Variants in STRA6 observed in about 807,000 individuals in gnomAD.
STRA6 encodes receptor for retinol uptake STRA6.
In STRA6, 48 loss-of-function variants were observed where a neutral mutation model predicts 83.6. The observed-to-expected ratio is 0.57, with a 90% confidence interval of 0.46 to 0.73. The LOEUF (loss-of-function observed/expected upper bound fraction) is 0.73. Among genes scored for constraint, STRA6 ranks in the 30% least tolerant of loss-of-function variants. STRA6 has a pLI of 0.00. For missense variants in STRA6, 760 were observed against 838.8 expected (o/e 0.91, Z 1.16); for synonymous variants, 353 against 362.3 (o/e 0.97, Z 0.29).
At chr15:74,209,122 G>A, upstream of STRA6, 1 of 1,322,726 alleles carries the variant, frequency 7.6e-7, no homozygotes, top group Non-Finnish European at 9.7e-7. Context: ...TCCGGGATCA[G>A]AGGAACCCAC....
upstream of STRA6, among the ~76,000 whole-genome samples, chr15:74,210,096 C>T (rs1406671620): frequency 6.6e-6 from 1 of 152,158 alleles, no homozygotes; most frequent in African/African-American, 2.4e-5. Context: ...AGCAGCCAGC[C>T]AGCTTGGATC....
At chr15:74,186,833 G>A (rs542899765) in intron 12 of STRA6, among the ~76,000 whole-genome samples, 1 of 152,312 alleles carries the variant, frequency 6.6e-6, no homozygotes, top group Admixed American at 6.5e-5. Context: ...CACTCTGAGA[G>A]TTTCTGATTC....
In STRA6 at chr15:74,193,806, G is replaced by A; in HGVS notation, c.714C>T (p.Gly238=). ...VRSFSRRTGA[G]SKGLQSSYSE... is the part of the protein sequence containing the mutation. ...CCCAGGCCTGCCCCTTTACCTTGGA[G>A]CCTGCTCCTGTCCTACGGCTGAAGC... The change falls in exon 8 of 19, where the codon GGC becomes GGT. Residue 238 remains glycine, a synonymous_variant. Coordinates refer to ENST00000395105, the MANE Select transcript of STRA6 (RefSeq NM_022369.4). 2 of 1,613,772 alleles carry A rather than the reference G, an allele frequency of 1.2e-6. No individual in the cohort carries two copies. The highest frequency in any genetic ancestry group is 1.7e-6 in the Non-Finnish European group (2 of 1,179,740).
At chr15:74,180,401 T>G (rs1224643726) in intron 18 of STRA6, among the ~76,000 whole-genome samples, 158 bp from the exon 19 acceptor site, 1 of 151,720 alleles carries the variant, frequency 6.6e-6, no homozygotes, top group East Asian at 1.9e-4. Context: ...GGGGGTGAGG[T>G]CTGTGGATGG....
chr15:74,195,630 T>A, intron 6 of STRA6, 22 bp downstream of exon 6: 1 of 1,542,972 alleles, frequency 6.5e-7, no homozygotes, highest in Non-Finnish European at 8.8e-7. Flanking sequence ...TAGTCTCAAC[T>A]CTGTGATCTT....
intron 12 of STRA6, among the ~76,000 whole-genome samples, chr15:74,185,697 G>A (rs1218502897): frequency 6.6e-6 from 1 of 152,222 alleles, no homozygotes; most frequent in African/African-American, 2.4e-5. Context: ...AGGGGTGCAG[G>A]CTGCAACTCT....
chr15:74,185,139 C>G (rs2073180490), intron 12 of STRA6, 84 bp from the exon 13 acceptor site: 1 of 1,391,886 alleles, frequency 7.2e-7, no homozygotes, highest in South Asian at 1.2e-5. Context: ...AGGGTGGTGC[C>G]TTGTGGGGAG....
intron 17 of STRA6, 140 bp downstream of exon 17, chr15:74,181,155 C>G: frequency 7.2e-7 from 1 of 1,397,584 alleles, no homozygotes; most frequent in Non-Finnish European, 9.8e-7. Flanking sequence ...GGAGGCACAG[C>G]GCAGGGGCAC....
chr15:74,202,974 C>A (rs569883835), upstream of STRA6: 7 of 986,552 alleles, frequency 7.1e-6, no homozygotes, highest in Non-Finnish European at 8.4e-6. Context: ...GAGCCACCCC[C>A]ACCCCCGCAC....
intron 9 of STRA6, 32 bp downstream of exon 9, chr15:74,191,392 T>C (rs773718429): frequency 1.9e-6 from 3 of 1,612,574 alleles, no homozygotes; most frequent in African/African-American, 1.3e-5. Context: ...GCCCAATCCA[T>C]TGGCCCACAA....
intron 1 of STRA6, among the ~76,000 whole-genome samples, chr15:74,208,275 C>T (rs2074308204): frequency 6.6e-6 from 1 of 152,156 alleles, no homozygotes; most frequent in African/African-American, 2.4e-5. Context: ...CTGTTAACAT[C>T]AAGATGCAAC....
intron 14 of STRA6, chr15:74,183,404 C>A: frequency 4.9e-6 from 3 of 606,818 alleles, no homozygotes; most frequent in Non-Finnish European, 6.6e-6. Context: ...CACCACCATA[C>A]CCGGCTAATT....
At chr15:74,194,523 T>C (rs933697155) in intron 7 of STRA6, 2 of 429,520 alleles carry the variant, frequency 4.7e-6, no homozygotes, top group Non-Finnish European at 6.9e-6. Flanking sequence ...TGTTATCAGC[T>C]CCATGGACGG....
chr15:74,208,470 T>A (rs1257033417), intron 1 of STRA6, among the ~76,000 whole-genome samples: 1 of 152,180 alleles, frequency 6.6e-6, no homozygotes, highest in Non-Finnish European at 1.5e-5. Context: ...GCAGATCCCC[T>A]GACTTCTCTC....
At chr15:74,207,194 G>A (rs1422196645), upstream of STRA6, among the ~76,000 whole-genome samples, 1 of 152,132 alleles carries the variant, frequency 6.6e-6, no homozygotes, top group African/African-American at 2.4e-5. Context: ...AATCCTCAAA[G>A]GGCAAAGTGC....
chr15:74,182,207 A>G lies in STRA6; in HGVS notation c.1474T>C (p.Trp492Arg). 6.2e-7 allele frequency: 1 copy of G among 1,614,190 alleles called. No homozygotes were observed. Among genetic ancestry groups the G allele is most frequent in the Non-Finnish European group, 8.5e-7 (1 of 1,180,014 alleles). ...AVILQNMAAHWVFLETHDGHP... is the reference protein window; with the variant it reads ...AVILQNMAAHRVFLETHDGHP... ...CCATCATGAGTCTCCAGGAAGACCCAATGGGCTGCCATGTTCTGCAGGATC... is the reference window on the plus strand; with the variant it reads ...CCATCATGAGTCTCCAGGAAGACCCGATGGGCTGCCATGTTCTGCAGGATC... Residue 492 changes from tryptophan (W) to arginine (R), a missense_variant, in exon 16 of 19, where the codon TGG (tryptophan) becomes CGG (arginine). Trp to Arg is a moderately radical substitution (Grantham distance 101). Coordinates refer to ENST00000395105, the MANE Select transcript of STRA6 (RefSeq NM_022369.4).
chr15:74,186,855 C>T (rs1398743751), intron 12 of STRA6, among the ~76,000 whole-genome samples: 1 of 152,218 alleles, frequency 6.6e-6, no homozygotes, highest in African/African-American at 2.4e-5. Context: ...GTAGGTCTGG[C>T]ACAGGGCTTG....
chr15:74,183,659 G>T, intron 14 of STRA6, 197 bp downstream of exon 14: 1 of 1,492,106 alleles, frequency 6.7e-7, no homozygotes, highest in Non-Finnish European at 8.9e-7. Context: ...TTTCCCGAGG[G>T]CTCCTGTACC....
In STRA6 at chr15:74,192,288, C is replaced by T. The variant is rs545276700; in HGVS notation, c.721-797G>A. ...AAGGGGCATGCCTCAGGCACTGTGT[C>T]GTCCCGGGGGGCCGCTCCCTTTTCA... On this transcript the variant is annotated intron_variant, in intron 8 of 18. Transcript: ENST00000395105. Among the ~76,000 whole-genome samples, 7 of 152,226 alleles carry T rather than the reference C, an allele frequency of 4.6e-5. No individual in the cohort carries two copies. In the South Asian group the frequency reaches 6.2e-4, roughly 14 times the overall value.
Sources: gnomAD v4.1 joint callset for allele counts (sites outside exome capture counted in the v4.1 genomes callset) on GRCh38, gnomAD v4.1.1 for gene constraint, MANE v1.5 for transcripts, NCBI Gene and HGNC (gene_info 2026-07-23, HGNC 2026-07-21) for gene names.